Variants in RNF14 observed in about 807,000 individuals in gnomAD.
RNF14 encodes the protein E3 ubiquitin-protein ligase RNF14.
A neutral mutation model predicts 52.6 loss-of-function variants in RNF14; 26 were observed. The ratio of observed to expected loss-of-function variants is 0.49; its 90% CI spans 0.36 to 0.69. The LOEUF is 0.69. RNF14 is among the 30% of genes least tolerant of loss of function. RNF14 has a pLI of 0.00. For missense variants in RNF14, 404 were observed against 560.4 expected, an observed-to-expected ratio of 0.72 and a Z score of 2.82; for synonymous variants, 194 against 202.0, an observed-to-expected ratio of 0.96 and a Z score of 0.34.
chr5:141,965,018 A>G (rs1166048445), upstream of RNF14, among the ~76,000 whole-genome samples: 3 of 152,176 alleles, frequency 2.0e-5, no homozygotes, highest in Admixed American at 6.5e-5. Context: ...CAAATACACA[A>G]TGACAAGAGA....
intron 4 of RNF14, among the ~76,000 whole-genome samples, chr5:141,975,985 T>C (rs991749941): frequency 6.6e-6 from 1 of 151,186 alleles, no homozygotes; most frequent in Admixed American, 6.6e-5. Context: ...AAGGAATAGC[T>C]CATTAGTTTT....
intron 4 of RNF14, among the ~76,000 whole-genome samples, chr5:141,977,278 T>G (rs1362637556): frequency 6.6e-6 from 1 of 152,252 alleles, no homozygotes; most frequent in Non-Finnish European, 1.5e-5. Context: ...TGAAAAATCA[T>G]TAGTTGTTCA....
intron 4 of RNF14, among the ~76,000 whole-genome samples, chr5:141,976,317 A>G (rs1754247999): frequency 6.7e-6 from 1 of 149,536 alleles, no homozygotes; most frequent in Non-Finnish European, 1.5e-5. Context: ...GCGTGCATGC[A>G]CGTGCATGCA....
upstream of RNF14, chr5:141,955,513 A>G: frequency 6.2e-7 from 1 of 1,614,180 alleles, no homozygotes; most frequent in Non-Finnish European, 8.5e-7. This position sits in a 1 kb window ranked among gnomAD's most constrained non-coding sequence, Gnocchi z 5.5. Flanking sequence ...ACCCCTGAGC[A>G]CAGGCACGAG....
upstream of RNF14, among the ~76,000 whole-genome samples, chr5:141,964,542 T>G (rs1301023361): frequency 1.3e-5 from 2 of 152,238 alleles, no homozygotes; most frequent in Non-Finnish European, 2.9e-5. Flanking sequence ...AGTAGCACTT[T>G]AAGCGTTATT....
Position 141,983,394 on chromosome 5 carries a change from T to C in RNF14, c.1078T>C (p.Leu360=). ...TCACTTTGTAGAGAAATTAATGGAC[T>C]TACGAAATGAATACCTGCAAGCGGA... ...CKVTAEKLMD[L]RNEYLQADEA... Residue 360 remains leucine (L), a synonymous_variant, in exon 7 of 9, where the codon TTA becomes CTA. Coordinates refer to ENST00000394520, the MANE Select transcript of RNF14 (RefSeq NM_004290.5). 6.2e-7 allele frequency: 1 copy of C among 1,612,294 alleles called. No homozygotes were observed. Among genetic ancestry groups the C allele is most frequent in the Non-Finnish European group, 8.5e-7 (1 of 1,179,472 alleles).
At chr5:141,972,351 C>A (rs1388168415) in intron 2 of RNF14, among the ~76,000 whole-genome samples, 2 of 151,664 alleles carry the variant, frequency 1.3e-5, no homozygotes, top group Non-Finnish European at 2.9e-5. Context: ...CATGTCAGCT[C>A]CCCAAGTAGC....
At chr5:141,965,104 G>C (rs530593168), upstream of RNF14, among the ~76,000 whole-genome samples, 3 of 152,242 alleles carry the variant, frequency 2.0e-5, no homozygotes, top group Non-Finnish European at 4.4e-5. Context: ...AGTTGGGCAG[G>C]GTTTTCCTCT....
At chr5:141,964,738 C>G (rs957380793), upstream of RNF14, among the ~76,000 whole-genome samples, 3 of 151,556 alleles carry the variant, frequency 2.0e-5, no homozygotes, top group African/African-American at 7.3e-5. Flanking sequence ...CTCGGCCTCC[C>G]GAGTAGCTGG....
upstream of RNF14, chr5:141,963,081 C>T (rs561206372): frequency 3.3e-5 from 5 of 152,406 alleles, no homozygotes; most frequent in Admixed American, 3.3e-4. Flanking sequence ...TTATAGAGTT[C>T]CATACTCACC....
At chr5:141,953,293 A>AC in the RNF14 span, 1 of 152,242 alleles carries the variant, frequency 6.6e-6, no homozygotes, top group African/African-American at 2.4e-5. Context: ...CAGTAAAAAA[A>AC]GTGCATATTA....
chr5:141,986,478 G>A (rs1485595618), intron 8 of RNF14, among the ~76,000 whole-genome samples: 2 of 152,212 alleles, frequency 1.3e-5, no homozygotes, highest in African/African-American at 4.8e-5. Flanking sequence ...TGTCTTGAAA[G>A]GGTTCAGTTT....
intron 8 of RNF14, among the ~76,000 whole-genome samples, chr5:141,985,642 G>A (rs907966929): frequency 2.0e-4 from 30 of 151,980 alleles, no homozygotes; most frequent in African/African-American, 6.8e-4. Flanking sequence ...TGCAAGCTCC[G>A]CCTCCCGGGT....
At chr5:141,959,815 C>T (rs1008529023) in intron 1 of RNF14, among the ~76,000 whole-genome samples, 2 of 152,164 alleles carry the variant, frequency 1.3e-5, no homozygotes, top group Admixed American at 1.3e-4. Flanking sequence ...GACAGACAGG[C>T]CACTCACAAG....
At chr5:141,971,735 G>A (rs1753802709) in intron 2 of RNF14, among the ~76,000 whole-genome samples, 1 of 146,786 alleles carries the variant, frequency 6.8e-6, no homozygotes, top group African/African-American at 2.6e-5. Flanking sequence ...TCTGCCTCCT[G>A]GATTCTAGTG....
At chr5:141,949,774 G>A in the RNF14 span, among the ~76,000 whole-genome samples, 1 of 152,156 alleles carries the variant, frequency 6.6e-6, no homozygotes, top group African/African-American at 2.4e-5. Context: ...TGTAAAATGA[G>A]AGTAATAAAT....
chr5:141,973,462 T>G (rs1330375482), intron 2 of RNF14, 121 bp from the exon 3 acceptor site: 1 of 657,754 alleles, frequency 1.5e-6, no homozygotes, highest in South Asian at 2.3e-5. Flanking sequence ...AGTCTTGAAC[T>G]CCTGACCTCA....
At chr5:141,966,531 T>A (rs1193203255), upstream of RNF14, among the ~76,000 whole-genome samples, 1 of 152,060 alleles carries the variant, frequency 6.6e-6, no homozygotes, top group African/African-American at 2.4e-5. Flanking sequence ...GTACGTGAAA[T>A]ATTTAGCACA....
chr5:141,963,182 A>G (rs1753288541), upstream of RNF14: 1 of 152,216 alleles, frequency 6.6e-6, no homozygotes, highest in Admixed American at 6.5e-5. Context: ...AGGTGCAGGC[A>G]TGTCCCCTAG....
Sources: gnomAD v4.1 joint callset for allele counts (sites outside exome capture counted in the v4.1 genomes callset) on GRCh38, gnomAD v4.1.1 for gene constraint, Gnocchi (gnomAD v3.1) non-coding constraint, MANE v1.5 for transcripts, NCBI Gene and HGNC (gene_info 2026-07-23, HGNC 2026-07-21) for gene names.